Variants in DHX15 observed in about 807,000 individuals in gnomAD.
DHX15 encodes ATP-dependent RNA helicase DHX15.
A neutral mutation model predicts 94.4 loss-of-function variants in DHX15; 11 were observed. That is an observed-to-expected ratio of 0.12 (90% confidence interval 0.07 to 0.19). The LOEUF (loss-of-function observed/expected upper bound fraction) is 0.19. DHX15 is among the 10% of genes least tolerant of loss of function. The pLI is 1.00. For missense variants in DHX15, 304 were observed against 988.5 expected (o/e 0.31, Z 9.29); for synonymous variants, 338 against 329.9 (o/e 1.02, Z -0.27).
At chr4:24,541,024 C>T (rs1721296017) in intron 8 of DHX15, 76 bp from the exon 9 acceptor site, 1 of 788,434 alleles carries the variant, frequency 1.3e-6, no homozygotes, top group East Asian at 2.6e-5. Context: ...CAAAAATCTG[C>T]TGCCTCCTGA....
chr4:24,578,320 T>A (rs1037270097), intron 1 of DHX15, among the ~76,000 whole-genome samples: 1 of 152,216 alleles, frequency 6.6e-6, no homozygotes, highest in Non-Finnish European at 1.5e-5. Context: ...GTTAATTAAG[T>A]GTTTACATTG....
At chr4:24,542,723 G>A (rs1721337942) in intron 7 of DHX15, among the ~76,000 whole-genome samples, 1 of 151,152 alleles carries the variant, frequency 6.6e-6, no homozygotes, top group Non-Finnish European at 1.5e-5. Flanking sequence ...AGAAAGCAAA[G>A]CAACTCTAAA....
intron 1 of DHX15, among the ~76,000 whole-genome samples, chr4:24,582,424 A>T (rs1278818318): frequency 6.6e-6 from 1 of 152,228 alleles, no homozygotes; most frequent in Non-Finnish European, 1.5e-5. Context: ...GGGACCACTA[A>T]TCCCAAGGGG....
intron 12 of DHX15, chr4:24,530,760 T>TG (rs770916761): frequency 5.3e-5 from 8 of 152,256 alleles, no homozygotes; most frequent in Admixed American, 2.0e-4. Flanking sequence ...CTCATCAAAA[T>TG]GGACAGTTCT....
At chr4:24,564,266 T>C (rs1190901098) in intron 3 of DHX15, among the ~76,000 whole-genome samples, 1 of 152,152 alleles carries the variant, frequency 6.6e-6, no homozygotes, top group African/African-American at 2.4e-5. Context: ...AAAAGAAACA[T>C]AAATACTTAG....
intron 5 of DHX15, among the ~76,000 whole-genome samples, chr4:24,553,751 C>A (rs998132098): frequency 6.6e-6 from 1 of 151,878 alleles, no homozygotes; most frequent in Admixed American, 6.6e-5. Context: ...GCGCTCCAGC[C>A]TGGTTGACAG....
intron 3 of DHX15, among the ~76,000 whole-genome samples, chr4:24,568,139 C>A: frequency 6.6e-6 from 1 of 152,180 alleles, no homozygotes; most frequent in Non-Finnish European, 1.5e-5. Flanking sequence ...TGGTTAAATT[C>A]TGTGCTCCTC....
At chr4:24,576,826 C>G in intron 1 of DHX15, 148 bp from the exon 2 acceptor site, 1 of 1,259,174 alleles carries the variant, frequency 7.9e-7, no homozygotes, top group Non-Finnish European at 1.1e-6. Context: ...TAAAAAATAC[C>G]CTACAATCAA....
At chr4:24,543,498 T>C (rs1413634367) in intron 6 of DHX15, among the ~76,000 whole-genome samples, 2 of 152,080 alleles carry the variant, frequency 1.3e-5, no homozygotes, top group African/African-American at 2.4e-5. Context: ...AAATGCCACA[T>C]GGAAAAAAAC....
chr4:24,567,307 G>A (rs779005868), intron 3 of DHX15, among the ~76,000 whole-genome samples: 14 of 152,198 alleles, frequency 9.2e-5, no homozygotes, highest in Admixed American at 4.6e-4. Flanking sequence ...GGCTGGGCGT[G>A]GTGGCGGCTG....
At chr4:24,532,726 T>C in intron 12 of DHX15, 138 bp downstream of exon 12, 1 of 626,140 alleles carries the variant, frequency 1.6e-6, no homozygotes, top group Non-Finnish European at 2.7e-6. Context: ...TCAAAGAAAC[T>C]GGATGTACCA....
rs1238878045 is a variant in DHX15, at chr4:24,576,407, T to C, written c.343A>G (p.Ile115Val). 3 of 1,614,198 alleles carry C rather than the reference T, an allele frequency of 1.9e-6. No individual in the cohort carries two copies. The South Asian group carries it at 3.3e-5, about 18-fold the overall frequency. Residue 115 changes from isoleucine to valine, a missense_variant, in exon 2 of 14, where the codon ATT becomes GTT. Around this residue, in one of 9 missense-constraint regions of DHX15, gnomAD observed 143 missense variants for 200.5 expected, o/e 0.71. Coordinates refer to ENST00000336812, the MANE Select transcript of DHX15 (RefSeq NM_001358.3). ...HAGHTSLPQCINPFTNLPHTP... is the reference protein window; with the variant it reads ...HAGHTSLPQCVNPFTNLPHTP... ...TGGGGTAAGTTGGTGAACGGATTAA[T>C]GCACTGTGGAAGTGACGTGTGACCT...
In DHX15 at chr4:24,547,933, A is replaced by ATCTATATC. The variant is rs1560765907; in HGVS notation, c.1248+921_1248+922insGATATAGA. On this transcript the variant is annotated intron_variant, in intron 6 of 13. Transcript: ENST00000336812. ...TATATATATATATATATATATATATATATATATATCTATATCTATATCTAT... is the reference window on the plus strand; with the variant it reads ...TATATATATATATATATATATATATATCTATATCTATATATATCTATATCTATATCTAT... Among the ~76,000 whole-genome samples the ATCTATATC allele has an allele frequency of 9.2e-4, 31 of 33,636 alleles. 2 individuals carry two copies. The highest frequency in any genetic ancestry group is 2.7e-3 in the African/African-American group (24 of 9,002). The allele number at this position is 33,636 out of a possible 152,430, so 22.1% of individuals were successfully genotyped here. A position where few individuals can be genotyped will look rare whatever the true frequency, so the allele number is the denominator to read the frequency against.
intron 6 of DHX15, among the ~76,000 whole-genome samples, chr4:24,547,428 C>T (rs1344807991): frequency 6.6e-6 from 1 of 152,132 alleles, no homozygotes; most frequent in African/African-American, 2.4e-5. Context: ...GAAACAAAAA[C>T]TTTAATTTAC....
chr4:24,542,103 A>G (rs1721324023), intron 7 of DHX15, 81 bp from the exon 8 acceptor site: 6 of 1,175,022 alleles, frequency 5.1e-6, no homozygotes, highest in Non-Finnish European at 4.7e-6. Context: ...CAAAGCCCAC[A>G]GTTAATTCCA....
chr4:24,529,878 A>G, intron 12 of DHX15, 108 bp from the exon 13 acceptor site: 2 of 1,112,598 alleles, frequency 1.8e-6, no homozygotes, highest in Non-Finnish European at 2.7e-6. Flanking sequence ...TTTTCATTCT[A>G]TGGCTATACT....
At position 24,564,397 on chromosome 4, in the gene DHX15, A is replaced by G. The variant is rs554002974; in HGVS notation, c.701+6257T>C. Among the ~76,000 whole-genome samples the G allele has an allele frequency of 2.0e-5, 3 of 152,316 alleles. No homozygotes were observed. The South Asian group carries it at 6.2e-4, about 32-fold the overall frequency. On this transcript the variant is annotated intron_variant, in intron 3 of 13. Transcript: ENST00000336812. ...TCAATTAAGACAGTGTGAGAACTTC[A>G]ACCTTAATAGAAACCAGCTCATCTA...
At chr4:24,544,546 A>G (rs1721383486) in intron 6 of DHX15, among the ~76,000 whole-genome samples, 1 of 152,220 alleles carries the variant, frequency 6.6e-6, no homozygotes, top group African/African-American at 2.4e-5. Flanking sequence ...CTAGAACTGA[A>G]GCAAACAACG....
rs532423848 is a variant in DHX15, at chr4:24,534,207, A to G, written c.1910-1153T>C. On this transcript the variant is annotated intron_variant, in intron 11 of 13. Transcript: ENST00000336812. Reference sequence around the variant, plus strand: ...ATTGACATTTAAATCAAAGCACTGAATATCTTTGGGAGCTGAAACAGCACA... The same window carrying G: ...ATTGACATTTAAATCAAAGCACTGAGTATCTTTGGGAGCTGAAACAGCACA... The G allele has an allele frequency of 1.2e-3, 177 of 152,322 alleles. 1 individual carries two copies. The highest frequency in any genetic ancestry group is 3.4e-3 in the Middle Eastern group (1 of 294). The allele number at this position is 152,322 out of a possible 1,614,324, so 9.4% of individuals were successfully genotyped here.
Sources: allele counts gnomAD v4.1 joint callset (sites outside exome capture counted in the v4.1 genomes callset), GRCh38; gene constraint gnomAD v4.1.1; regional missense constraint gnomAD v4.1.1; transcripts MANE v1.5; gene names NCBI Gene and HGNC (gene_info 2026-07-23, HGNC 2026-07-21).